Variants in CNBD1 observed in about 807,000 individuals in gnomAD.
CNBD1 encodes cyclic nucleotide-binding domain-containing protein 1.
In CNBD1, 71 loss-of-function variants were observed where a neutral mutation model predicts 54.4. The observed-to-expected ratio is 1.30, with a 90% CI of 1.08 to 1.59. CNBD1 has a LOEUF of 1.59. Ranked by LOEUF, CNBD1 falls within the 40% of genes most tolerant of loss-of-function variation. The pLI is 0.00. For synonymous variants in CNBD1, 182 were observed against 170.7 expected, an observed-to-expected ratio of 1.07 and a Z score of -0.51; for missense variants, 659 against 518.0, an observed-to-expected ratio of 1.27 and a Z score of -2.64.
chr8:87,018,688 C>T (rs1284442547), intron 4 of CNBD1, among the ~76,000 whole-genome samples: 2 of 152,116 alleles, frequency 1.3e-5, no homozygotes, highest in African/African-American at 4.8e-5. Context: ...AGATACAAAT[C>T]TCCCTCATTT....
intron 4 of CNBD1, among the ~76,000 whole-genome samples, chr8:87,041,463 G>C (rs1432705661): frequency 6.6e-6 from 1 of 152,086 alleles, no homozygotes; most frequent in African/African-American, 2.4e-5. Context: ...TCTTAGATGA[G>C]AGATAAAAGG....
chr8:86,875,012 ATATATATATG>A (rs1166052218), intron 1 of CNBD1, among the ~76,000 whole-genome samples: 9 of 135,772 alleles, frequency 6.6e-5, no homozygotes, highest in Non-Finnish European at 1.4e-4. Flanking sequence ...ATATATATAT[ATATATATATG>A]TATTAAAAAT....
At chr8:86,959,752 A>C (rs1356169829) in intron 4 of CNBD1, among the ~76,000 whole-genome samples, 1 of 152,128 alleles carries the variant, frequency 6.6e-6, no homozygotes. Context: ...CCATTCATCT[A>C]ATCTTTTTTC....
intron 8 of CNBD1, among the ~76,000 whole-genome samples, chr8:87,346,478 T>G (rs907632211): frequency 2.6e-5 from 4 of 152,068 alleles, no homozygotes; most frequent in Non-Finnish European, 5.9e-5. Flanking sequence ...ATTGGCCAAT[T>G]ATGAATCTCT....
At chr8:87,348,418 C>G (rs1810217058) in intron 8 of CNBD1, among the ~76,000 whole-genome samples, 1 of 152,014 alleles carries the variant, frequency 6.6e-6, no homozygotes, top group Admixed American at 6.6e-5. Flanking sequence ...ATTTTTAAAG[C>G]AAACTATATA....
At chr8:86,869,825 GA>G (rs1380694057) in intron 1 of CNBD1, among the ~76,000 whole-genome samples, 1 of 151,168 alleles carries the variant, frequency 6.6e-6, no homozygotes, top group Non-Finnish European at 1.5e-5. Flanking sequence ...TGAAGAGATA[GA>G]AAAAAAGAAA....
intron 2 of CNBD1, among the ~76,000 whole-genome samples, chr8:87,390,578 AAGTC>A (rs1195271195): frequency 6.6e-6 from 1 of 152,116 alleles, no homozygotes; most frequent in Non-Finnish European, 1.5e-5. Context: ...GATCATTAAA[AAGTC>A]AGGAAACAAG....
At chr8:87,039,183 G>A (rs1477198223) in intron 4 of CNBD1, among the ~76,000 whole-genome samples, 4 of 152,048 alleles carry the variant, frequency 2.6e-5, no homozygotes, top group Non-Finnish European at 5.9e-5. Context: ...CAGGAGGAGT[G>A]AACATAACAC....
At chr8:87,045,737 A>AAAAC (rs1446065676) in intron 4 of CNBD1, among the ~76,000 whole-genome samples, 1 of 149,708 alleles carries the variant, frequency 6.7e-6, no homozygotes, top group African/African-American at 2.5e-5. Context: ...AAAAAAAAAA[A>AAAAC]AAAAAAACAG....
chr8:87,402,102 G>A (rs1026604188), intron 2 of CNBD1, among the ~76,000 whole-genome samples: 1 of 152,006 alleles, frequency 6.6e-6, no homozygotes, highest in African/African-American at 2.4e-5. Flanking sequence ...AGGAATGAAG[G>A]CACATCTTAC....
chr8:87,294,900 A>G (rs1230244220), intron 8 of CNBD1, among the ~76,000 whole-genome samples: 1 of 152,034 alleles, frequency 6.6e-6, no homozygotes, highest in Non-Finnish European at 1.5e-5. Context: ...TCTAAATAAT[A>G]TTTATTAAGA....
chr8:87,212,292 T>C (rs1462187977), intron 5 of CNBD1, among the ~76,000 whole-genome samples: 2 of 152,122 alleles, frequency 1.3e-5, no homozygotes, highest in Non-Finnish European at 2.9e-5. Flanking sequence ...TTTATATTGA[T>C]CTACAGATTC....
At chr8:87,181,860 T>C (rs550545692) in intron 4 of CNBD1, among the ~76,000 whole-genome samples, 24 of 152,324 alleles carry the variant, frequency 1.6e-4, no homozygotes, top group South Asian at 6.2e-4. Flanking sequence ...TTTTTCCTTT[T>C]CATGTGTAAA....
intron 6 of CNBD1, among the ~76,000 whole-genome samples, chr8:87,267,606 C>G (rs1230213662): frequency 3.9e-5 from 6 of 152,044 alleles, no homozygotes; most frequent in Non-Finnish European, 8.8e-5. Context: ...TGCTTCATAG[C>G]TAAATGCTGA....
At chr8:87,303,466 C>T (rs1809061418) in intron 8 of CNBD1, among the ~76,000 whole-genome samples, 1 of 151,804 alleles carries the variant, frequency 6.6e-6, no homozygotes, top group Admixed American at 6.6e-5. Context: ...CCCTTCCTTA[C>T]ACCTTATACA....
intron 6 of CNBD1, among the ~76,000 whole-genome samples, chr8:87,258,735 C>G (rs34006030): frequency 0.27 from 41,115 of 152,010 alleles, 5,929 homozygotes; most frequent in African/African-American, 0.36. Flanking sequence ...TCAATTTGAC[C>G]ATAAGGTGAG....
chr8:86,926,909 A>C (rs559871203), intron 3 of CNBD1, among the ~76,000 whole-genome samples: 1 of 152,242 alleles, frequency 6.6e-6, no homozygotes, highest in Admixed American at 6.5e-5. Flanking sequence ...TAGGGGTATT[A>C]GTTTTATGGC....
intron 6 of CNBD1, among the ~76,000 whole-genome samples, chr8:87,238,001 T>G (rs1807616320): frequency 7.0e-6 from 1 of 142,898 alleles, no homozygotes; most frequent in Non-Finnish European, 1.5e-5. Flanking sequence ...CTAATGCTAT[T>G]TTAGTCTGCT....
chr8:86,945,002 A>G (rs1052015327), intron 4 of CNBD1, among the ~76,000 whole-genome samples: 1 of 152,190 alleles, frequency 6.6e-6, no homozygotes, highest in Non-Finnish European at 1.5e-5. Context: ...TTGACCACTA[A>G]CATGATGGAG....
Sources: gnomAD v4.1 joint callset for allele counts (sites outside exome capture counted in the v4.1 genomes callset) on GRCh38, gnomAD v4.1.1 for gene constraint, MANE v1.5 for transcripts, NCBI Gene and HGNC (gene_info 2026-07-23, HGNC 2026-07-21) for gene names.